Variants in BEAN1 observed in about 807,000 individuals in gnomAD.
The protein encoded by BEAN1 is brain expressed associated with NEDD4 1, also known as protein BEAN1.
Under a neutral mutation model 17.7 loss-of-function variants are expected in BEAN1, and 17 were observed. That is an observed-to-expected ratio of 0.96 (90% CI 0.66 to 1.44). The LOEUF (loss-of-function observed/expected upper bound fraction) is 1.44, where lower values mean the gene tolerates loss of function less well. BEAN1 is among the 40% of genes most tolerant of loss of function. BEAN1 has a pLI of 0.00. For missense variants in BEAN1, 359 were observed against 374.1 expected (o/e 0.96, Z 0.33); for synonymous variants, 142 against 151.8 (o/e 0.94, Z 0.47).
intron 2 of BEAN1, chr16:66,450,920 A>G (rs890172398): frequency 6.6e-6 from 1 of 152,194 alleles, no homozygotes; most frequent in African/African-American, 2.4e-5. Flanking sequence ...TGGCTTGCAT[A>G]TTTTGAACTG....
intron 1 of BEAN1, among the ~76,000 whole-genome samples, chr16:66,436,918 C>T: frequency 6.6e-6 from 1 of 152,030 alleles, no homozygotes. Flanking sequence ...ATTTAATATA[C>T]AGATGCCTTC....
chr16:66,446,118 G>A (rs919515181), intron 2 of BEAN1, among the ~76,000 whole-genome samples: 8 of 152,140 alleles, frequency 5.3e-5, no homozygotes, highest in African/African-American at 1.9e-4. Flanking sequence ...GGGAGGCAGA[G>A]GCTGCAGTGA....
chr16:66,478,720 G>A (rs1001623540), intron 4 of BEAN1, among the ~76,000 whole-genome samples: 9 of 152,226 alleles, frequency 5.9e-5, no homozygotes, highest in Non-Finnish European at 1.2e-4. Flanking sequence ...CAGTGGTGTC[G>A]TTACTATTTC....
intron 4 of BEAN1, 124 bp from the exon 5 acceptor site, chr16:66,480,462 T>C (rs1963942038): frequency 1.4e-6 from 1 of 733,714 alleles, no homozygotes; most frequent in African/African-American, 1.8e-5. Context: ...GGAGCCAGCG[T>C]GGACAAGGCC....
At chr16:66,459,538 C>A (rs1963003282) in intron 2 of BEAN1, among the ~76,000 whole-genome samples, 1 of 152,098 alleles carries the variant, frequency 6.6e-6, no homozygotes, top group Non-Finnish European at 1.5e-5. Flanking sequence ...CCAGGCTGAT[C>A]TCAAACTCCT....
At chr16:66,433,562 C>T (rs561456325) in intron 1 of BEAN1, among the ~76,000 whole-genome samples, 9 of 151,352 alleles carry the variant, frequency 5.9e-5, no homozygotes, top group Middle Eastern at 3.5e-3. Flanking sequence ...CCTCCACCTT[C>T]CTAAAGAGAG....
At chr16:66,435,452 T>C (rs985821601) in intron 1 of BEAN1, among the ~76,000 whole-genome samples, 2 of 152,178 alleles carry the variant, frequency 1.3e-5, no homozygotes, top group Admixed American at 6.5e-5. Context: ...GGCTTCCTTG[T>C]AGGGAAATGC....
At chr16:66,480,413 T>C (rs2142468991) in intron 4 of BEAN1, among the ~76,000 whole-genome samples, 173 bp from the exon 5 acceptor site, 1 of 151,884 alleles carries the variant, frequency 6.6e-6, no homozygotes, top group East Asian at 1.9e-4. Context: ...GGTTCTGAGG[T>C]CCCCCTCTGG....
chr16:66,461,754 G>A (rs1182363574), intron 2 of BEAN1, among the ~76,000 whole-genome samples: 1 of 152,152 alleles, frequency 6.6e-6, no homozygotes, highest in Non-Finnish European at 1.5e-5. Context: ...GCCCCATCGG[G>A]GACAAGACTC....
chr16:66,446,686 G>A (rs1334124319), intron 2 of BEAN1, among the ~76,000 whole-genome samples: 3 of 152,132 alleles, frequency 2.0e-5, no homozygotes, highest in Admixed American at 1.3e-4. Flanking sequence ...GTCTTGGGCT[G>A]GTGAAGGGCA....
chr16:66,469,813 C>T lies in BEAN1; in HGVS notation c.237C>T (p.His79=), dbSNP rs1567502047. The part of the protein sequence containing the change: ...RHRHRHHRHH[H]HHHHHRRRRH... The stretch of plus-strand genomic sequence containing the variant: ...GCCACCGCCACCACCGCCACCACCA[C>T]CACCATCATCACCACCGCCGGCGTC... Residue 79 remains histidine, a synonymous_variant, in exon 3 of 5, where the codon CAC becomes CAT. Transcript: ENST00000536005. The T allele has an allele frequency of 3.9e-6, 6 of 1,535,712 alleles. No individual in the cohort carries two copies. The highest frequency in any genetic ancestry group is 3.6e-5 in the South Asian group (3 of 84,014).
intron 4 of BEAN1, 130 bp from the exon 5 acceptor site, chr16:66,480,456 C>A: frequency 1.5e-6 from 1 of 681,326 alleles, no homozygotes; most frequent in Non-Finnish European, 2.4e-6. Flanking sequence ...TTCATTGGAG[C>A]CAGCGTGGAC....
intron 4 of BEAN1, among the ~76,000 whole-genome samples, chr16:66,492,606 AT>A (rs1375926219): frequency 6.7e-6 from 1 of 149,658 alleles, no homozygotes; most frequent in African/African-American, 2.5e-5. Context: ...TGCCCGGCTA[AT>A]TTTTTTGTAT....
At chr16:66,485,357 A>C, downstream of BEAN1, 3 of 352,274 alleles carry the variant, frequency 8.5e-6, no homozygotes, top group Non-Finnish European at 5.6e-6. Context: ...TTGGTGTTGC[A>C]TACTCCAGTG....
chr16:66,464,635 G>T (rs1963201944), intron 2 of BEAN1, among the ~76,000 whole-genome samples: 1 of 152,138 alleles, frequency 6.6e-6, no homozygotes, highest in Admixed American at 6.5e-5. Context: ...GCGCCACTGT[G>T]CCCAGCCTAA....
chr16:66,455,208 C>G (rs1326119684), intron 2 of BEAN1, among the ~76,000 whole-genome samples: 1 of 152,196 alleles, frequency 6.6e-6, no homozygotes, highest in African/African-American at 2.4e-5. Context: ...CTAAGCCAGG[C>G]TCTTAAACAC....
downstream of BEAN1, chr16:66,484,873 C>T (rs543084680): frequency 1.5e-5 from 7 of 454,104 alleles, no homozygotes; most frequent in Non-Finnish European, 3.1e-5. This position sits in a 1 kb window ranked among gnomAD's most constrained non-coding sequence, Gnocchi z 4.2. Context: ...TGGAGGCTGC[C>T]CTTTGGAGAA....
intron 2 of BEAN1, among the ~76,000 whole-genome samples, chr16:66,459,164 C>T (rs1447764954): frequency 1.3e-5 from 2 of 152,218 alleles, no homozygotes; most frequent in African/African-American, 4.8e-5. Flanking sequence ...GAGTTCCAAG[C>T]TCATGGGGAC....
intron 2 of BEAN1, among the ~76,000 whole-genome samples, chr16:66,442,358 G>C (rs1373610047): frequency 6.6e-6 from 1 of 152,200 alleles, no homozygotes; most frequent in Non-Finnish European, 1.5e-5. Context: ...CTGAAAGATG[G>C]GGCAGCCCGC....
Sources: allele counts gnomAD v4.1 joint callset (sites outside exome capture counted in the v4.1 genomes callset), GRCh38; gene constraint gnomAD v4.1.1; non-coding constraint Gnocchi (gnomAD v3.1); transcripts MANE v1.5; gene names NCBI Gene and HGNC (gene_info 2026-07-23, HGNC 2026-07-21).